Variants in PPFIA2 observed in about 807,000 individuals in gnomAD.
The protein encoded by PPFIA2 is PPFI scaffold protein A2.
PPFIA2 carries 46 observed loss-of-function variants against 175.5 expected under a neutral mutation model. The ratio of observed to expected loss-of-function variants is 0.26; its 90% CI spans 0.21 to 0.34. The LOEUF (loss-of-function observed/expected upper bound fraction) is 0.34. Ranked by LOEUF, PPFIA2 falls within the 10% of genes least tolerant of loss-of-function variation. PPFIA2 has a pLI of 1.00. For missense variants in PPFIA2, 1,179 were observed against 1,506.1 expected (o/e 0.78, Z 3.60); for synonymous variants, 568 against 511.4 (o/e 1.11, Z -1.49).
chr12:81,604,678 C>T (rs534209691), intron 4 of PPFIA2, among the ~76,000 whole-genome samples: 91 of 151,636 alleles, frequency 6.0e-4, no homozygotes, highest in Non-Finnish European at 1.0e-3. Flanking sequence ...CAGGCAATGG[C>T]TACCACTTTA....
At chr12:81,474,014 C>T (rs2057139463) in intron 4 of PPFIA2, among the ~76,000 whole-genome samples, 1 of 152,008 alleles carries the variant, frequency 6.6e-6, no homozygotes, top group African/African-American at 2.4e-5. Context: ...TTTTCTTTAA[C>T]AATATATTTC....
At chr12:81,452,729 A>G (rs1270138035) in intron 5 of PPFIA2, among the ~76,000 whole-genome samples, 7 of 152,194 alleles carry the variant, frequency 4.6e-5, no homozygotes, top group Non-Finnish European at 7.3e-5. Flanking sequence ...GTACAGGCAG[A>G]GATTTGTCAA....
At chr12:81,334,459 T>G (rs544611812) in intron 21 of PPFIA2, among the ~76,000 whole-genome samples, 110 of 150,276 alleles carry the variant, frequency 7.3e-4, no homozygotes, top group African/African-American at 2.5e-3. Flanking sequence ...ATAAATTATT[T>G]TGGATTATCT....
intron 4 of PPFIA2, among the ~76,000 whole-genome samples, chr12:81,519,753 G>A (rs1440645005): frequency 1.3e-5 from 2 of 152,080 alleles, no homozygotes; most frequent in East Asian, 1.9e-4. Flanking sequence ...TTATAATAAC[G>A]AAGAAAGATT....
At chr12:81,551,423 C>T (rs1594835270) in intron 4 of PPFIA2, among the ~76,000 whole-genome samples, 1 of 151,740 alleles carries the variant, frequency 6.6e-6, no homozygotes, top group African/African-American at 2.4e-5. Flanking sequence ...AAAAAATATT[C>T]AGGAAAAAAC....
At chr12:81,751,916 CT>C (rs541531869) in intron 3 of PPFIA2, among the ~76,000 whole-genome samples, 9 of 151,652 alleles carry the variant, frequency 5.9e-5, no homozygotes, top group South Asian at 4.2e-4. Context: ...AAATAGTCAC[CT>C]TTTTTTTACA....
intron 2 of PPFIA2, among the ~76,000 whole-genome samples, chr12:81,757,374 G>T (rs1317425575): frequency 6.6e-6 from 1 of 152,046 alleles, no homozygotes; most frequent in African/African-American, 2.4e-5. Flanking sequence ...AATTTGCCTT[G>T]ATATTTGCTT....
At chr12:81,262,943 TA>T (rs1349523334) in intron 31 of PPFIA2, among the ~76,000 whole-genome samples, 54 of 152,318 alleles carry the variant, frequency 3.5e-4, no homozygotes, top group African/African-American at 1.3e-3. Context: ...AATAGAAGAC[TA>T]AAGAAACACA....
intron 22 of PPFIA2, among the ~76,000 whole-genome samples, chr12:81,301,813 C>T (rs1594307144): frequency 6.6e-6 from 1 of 152,164 alleles, no homozygotes; most frequent in Non-Finnish European, 1.5e-5. Context: ...TAAATCTTTA[C>T]TCAAATGTCA....
chr12:81,615,069 A>G (rs2061315971), intron 4 of PPFIA2, among the ~76,000 whole-genome samples: 1 of 152,184 alleles, frequency 6.6e-6, no homozygotes, highest in African/African-American at 2.4e-5. Context: ...ACATAAAACA[A>G]TTTTTAGGTG....
At chr12:81,493,730 T>TTGTGTG (rs3075419) in intron 4 of PPFIA2, among the ~76,000 whole-genome samples, 3 of 122,328 alleles carry the variant, frequency 2.5e-5, no homozygotes, top group African/African-American at 9.9e-5. Flanking sequence ...GAGTGTGTGT[T>TTGTGTG]TGTGTGTGTG....
intron 8 of PPFIA2, among the ~76,000 whole-genome samples, chr12:81,386,127 A>C (rs1389154916): frequency 6.6e-6 from 1 of 151,540 alleles, no homozygotes; most frequent in Non-Finnish European, 1.5e-5. Context: ...AATTAAAAAA[A>C]AAAAATAGGG....
At chr12:81,720,286 A>T (rs570258936) in intron 3 of PPFIA2, among the ~76,000 whole-genome samples, 38 of 151,694 alleles carry the variant, frequency 2.5e-4, no homozygotes, top group African/African-American at 8.9e-4. Flanking sequence ...CTTACTGATT[A>T]TACAGTAAAA....
At chr12:81,658,937 A>G (rs2068274754) in intron 4 of PPFIA2, among the ~76,000 whole-genome samples, 1 of 152,198 alleles carries the variant, frequency 6.6e-6, no homozygotes, top group Admixed American at 6.5e-5. Flanking sequence ...ATTGCACTTT[A>G]AATAATTTAA....
chr12:81,671,347 T>C (rs2071378887), intron 4 of PPFIA2, among the ~76,000 whole-genome samples: 1 of 151,946 alleles, frequency 6.6e-6, no homozygotes, highest in South Asian at 2.1e-4. Flanking sequence ...GTTGTCACCT[T>C]ACAGGCTTTT....
At chr12:81,637,269 T>C (rs2064221229) in intron 4 of PPFIA2, among the ~76,000 whole-genome samples, 1 of 99,552 alleles carries the variant, frequency 1.0e-5, no homozygotes, top group Non-Finnish European at 2.1e-5. Context: ...TTTTTTTTTT[T>C]TTTTTTTTTT....
chr12:81,598,164 A>T, intron 4 of PPFIA2: 1 of 1,432,422 alleles, frequency 7.0e-7, no homozygotes, highest in South Asian at 1.5e-5. Context: ...TCCTTCTTAC[A>T]TACACAGTGA....
chr12:81,407,391 G>A (rs1019831362), intron 7 of PPFIA2, among the ~76,000 whole-genome samples: 14 of 151,908 alleles, frequency 9.2e-5, no homozygotes, highest in African/African-American at 3.4e-4. Context: ...GCTGAGCCAG[G>A]AGAATCCCTT....
In PPFIA2 at chr12:81,637,385, T is replaced by TG. The variant is rs2064247423; in HGVS notation, c.303+39405dup. 5.9e-5 allele frequency among the ~76,000 whole-genome samples: 9 copies of TG among 151,474 alleles called. No individual in the cohort carries two copies. In the South Asian group the frequency reaches 1.9e-3, roughly 32 times the overall value. On this transcript the variant is annotated intron_variant, in intron 4 of 32. Coordinates refer to ENST00000549396, the MANE Select transcript of PPFIA2 (RefSeq NM_003625.5). The stretch of plus-strand genomic sequence containing the variant: ...TCCCAAACTGCTGAGATTACAGGCA[T>TG]GAGCCACCGTGCCCAGCCAACAATT...
Sources: gnomAD v4.1 joint callset for allele counts (sites outside exome capture counted in the v4.1 genomes callset) on GRCh38, gnomAD v4.1.1 for gene constraint, MANE v1.5 for transcripts, NCBI Gene and HGNC (gene_info 2026-07-23, HGNC 2026-07-21) for gene names.